Variants in CCDC91 observed in about 807,000 individuals in gnomAD.
CCDC91 encodes coiled-coil domain-containing protein 91.
CCDC91 carries 48 observed loss-of-function variants against 63.2 expected under a neutral mutation model. That is an observed-to-expected ratio of 0.76 (90% CI 0.60 to 0.97). The LOEUF (loss-of-function observed/expected upper bound fraction) is 0.97, where lower values mean the gene tolerates loss of function less well. Among genes scored for constraint, CCDC91 ranks in the 50% least tolerant of loss-of-function variants. The pLI is 0.00. For synonymous variants in CCDC91, 167 were observed against 165.8 expected (o/e 1.01, Z -0.06); for missense variants, 500 against 494.6 (o/e 1.01, Z -0.10).
Position 28,477,238 on chromosome 12 carries a change from C to T in CCDC91, c.1102-6814C>T, listed in dbSNP as rs149487592. On this transcript the variant is annotated intron_variant, in intron 11 of 12. Coordinates refer to ENST00000536442, the MANE Select transcript of CCDC91 (RefSeq NM_018318.5). The stretch of plus-strand genomic sequence containing the variant: ...AGTCCTCAATAAAATACTGGCAAAC[C>T]GAATCCAGCAGCATATCAAAAAGCT... Among the ~76,000 whole-genome samples the T allele has an allele frequency of 8.5e-5, 13 of 152,048 alleles. No individual in the cohort carries two copies. In the South Asian group the frequency reaches 2.7e-3, roughly 32 times the overall value.
intron 8 of CCDC91, among the ~76,000 whole-genome samples, chr12:28,434,164 C>A (rs1336517590): frequency 6.6e-6 from 1 of 151,476 alleles, no homozygotes; most frequent in Admixed American, 6.6e-5. Context: ...TTCTTTCTTC[C>A]CAAGTTGGAA....
At chr12:28,201,526 C>T (rs2122544) in intron 1 of CCDC91, among the ~76,000 whole-genome samples, 18 of 137,874 alleles carry the variant, frequency 1.3e-4, no homozygotes, top group East Asian at 6.0e-4. Flanking sequence ...CGGGCAGAGA[C>T]GCTCCTCACT....
At chr12:28,300,850 T>C (rs1937999337) in intron 3 of CCDC91, among the ~76,000 whole-genome samples, 1 of 151,554 alleles carries the variant, frequency 6.6e-6, no homozygotes, top group African/African-American at 2.4e-5. Context: ...CTGTATTGTG[T>C]CTTTGTTGCA....
At chr12:28,308,517 C>G (rs1185607018) in intron 6 of CCDC91, among the ~76,000 whole-genome samples, 3 of 151,982 alleles carry the variant, frequency 2.0e-5, no homozygotes, top group African/African-American at 7.2e-5. Flanking sequence ...ACACTAAAAG[C>G]CAGGTCCTTA....
chr12:28,351,114 A>G (rs1035170351), intron 6 of CCDC91, among the ~76,000 whole-genome samples: 8 of 152,184 alleles, frequency 5.3e-5, no homozygotes, highest in African/African-American at 1.9e-4. Context: ...TCAATAAAAC[A>G]TCAGCTTTAC....
At chr12:28,535,927 A>G (rs967210654) in intron 12 of CCDC91, among the ~76,000 whole-genome samples, 1 of 151,750 alleles carries the variant, frequency 6.6e-6, no homozygotes, top group Non-Finnish European at 1.5e-5. Context: ...TACTCGGGAG[A>G]CTGAGGCAGG....
intron 6 of CCDC91, among the ~76,000 whole-genome samples, chr12:28,338,186 T>C (rs1453966067): frequency 1.3e-5 from 2 of 151,620 alleles, no homozygotes; most frequent in Non-Finnish European, 2.9e-5. Flanking sequence ...AGGGTGGTAA[T>C]GGAAGGCCCC....
chr12:28,273,979 A>C (rs1431014776), intron 3 of CCDC91, among the ~76,000 whole-genome samples: 1 of 152,148 alleles, frequency 6.6e-6, no homozygotes, highest in Non-Finnish European at 1.5e-5. Flanking sequence ...TTTAGGTCTA[A>C]CATTTAAGTC....
chr12:28,519,975 A>C (rs1056439374), intron 12 of CCDC91, among the ~76,000 whole-genome samples: 10 of 151,934 alleles, frequency 6.6e-5, no homozygotes, highest in African/African-American at 2.4e-4. Context: ...TCTATCATTG[A>C]TGGGCATTTG....
At chr12:28,525,925 T>G (rs571004248) in intron 12 of CCDC91, among the ~76,000 whole-genome samples, 8 of 152,322 alleles carry the variant, frequency 5.3e-5, no homozygotes, top group African/African-American at 1.7e-4. Context: ...CTGCTCACTT[T>G]CGGTGTCCAT....
chr12:28,293,306 G>A (rs1475228874), intron 3 of CCDC91, among the ~76,000 whole-genome samples: 1 of 152,152 alleles, frequency 6.6e-6, no homozygotes, highest in Non-Finnish European at 1.5e-5. Flanking sequence ...TATATTGAAG[G>A]TTCAAAGAAA....
intron 8 of CCDC91, among the ~76,000 whole-genome samples, chr12:28,420,232 C>G (rs559964717): frequency 6.6e-6 from 1 of 152,030 alleles, no homozygotes; most frequent in East Asian, 1.9e-4. Flanking sequence ...CAAATCATAA[C>G]AATGCATTCT....
chr12:28,364,356 C>G (rs1944130060), intron 7 of CCDC91, among the ~76,000 whole-genome samples: 1 of 152,120 alleles, frequency 6.6e-6, no homozygotes, highest in Admixed American at 6.5e-5. Context: ...CCATTGCACT[C>G]CTGCCTAGGT....
At position 28,406,196 on chromosome 12, in the gene CCDC91, G is replaced by A. The variant is rs1247220142; in HGVS notation, c.762+14785G>A. On this transcript the variant is annotated intron_variant, in intron 8 of 12. Transcript: ENST00000536442. ...CTGCACAGATCAACCCATCACCTAG[G>A]TATTAAGCCCAGCATCCATTAGCTA... 7.9e-5 allele frequency among the ~76,000 whole-genome samples: 12 copies of A among 151,682 alleles called. No homozygotes were observed. The East Asian group carries it at 2.3e-3, about 29-fold the overall frequency.
chr12:28,452,448 A>G (rs200950669), intron 10 of CCDC91, 30 bp from the exon 11 acceptor site: 6 of 1,445,956 alleles, frequency 4.1e-6, no homozygotes, highest in Middle Eastern at 2.0e-4. Context: ...CAGTCTTTCA[A>G]ATTTGTTCTG....
intron 6 of CCDC91, among the ~76,000 whole-genome samples, chr12:28,313,576 T>C (rs1316961742): frequency 6.6e-6 from 1 of 152,040 alleles, no homozygotes; most frequent in Non-Finnish European, 1.5e-5. Context: ...AACAAACTTT[T>C]AAAAAACAAC....
rs569036315 is a variant in CCDC91 at position 28,440,599 on chromosome 12, G to C, written c.763-9562G>C. ...TTAGGGTTTATCTGATTGAAAACTTGAAAACTTCTGCTACTTGAAAGACAT... is the reference window on the plus strand; with the variant it reads ...TTAGGGTTTATCTGATTGAAAACTTCAAAACTTCTGCTACTTGAAAGACAT... On this transcript the variant is annotated intron_variant, in intron 8 of 12. Coordinates refer to ENST00000536442, the MANE Select transcript of CCDC91 (RefSeq NM_018318.5). Among the ~76,000 whole-genome samples, 107 of 152,220 alleles carry C rather than the reference G, an allele frequency of 7.0e-4. 3 individuals carry two copies. The South Asian group carries it at 0.022, about 31-fold the overall frequency.
chr12:28,481,465 G>A (rs1215408374), intron 11 of CCDC91, among the ~76,000 whole-genome samples: 4 of 151,946 alleles, frequency 2.6e-5, no homozygotes, highest in Non-Finnish European at 5.9e-5. Flanking sequence ...GTACTTATTG[G>A]TGGCAACTCT....
intron 12 of CCDC91, among the ~76,000 whole-genome samples, chr12:28,507,495 G>C (rs769910821): frequency 1.3e-5 from 2 of 151,960 alleles, no homozygotes; most frequent in African/African-American, 2.4e-5. Flanking sequence ...ACTAAAGTAA[G>C]TATTCTGTTA....
Sources: gnomAD v4.1 joint callset for allele counts (sites outside exome capture counted in the v4.1 genomes callset) on GRCh38, gnomAD v4.1.1 for gene constraint, MANE v1.5 for transcripts, NCBI Gene and HGNC (gene_info 2026-07-23, HGNC 2026-07-21) for gene names.